The following ROBO1 variants were observed in gnomAD, a reference collection of about 807,000 sequenced individuals.
ROBO1 encodes roundabout guidance receptor 1.
In ROBO1, 149 loss-of-function variants were observed where a neutral mutation model predicts 195.9. The observed-to-expected ratio is 0.76, with a 90% CI of 0.67 to 0.87. The LOEUF is 0.87. Among genes scored for constraint, ROBO1 ranks in the 40% least tolerant of loss-of-function variants. The pLI is 0.00. For synonymous variants in ROBO1, 816 were observed against 733.2 expected (o/e 1.11, Z -1.82); for missense variants, 1,933 against 2,068.3 (o/e 0.93, Z 1.27).
At chr3:78,753,379 A>ACTGC (rs2082845454) in intron 4 of ROBO1, among the ~76,000 whole-genome samples, 1 of 152,208 alleles carries the variant, frequency 6.6e-6, no homozygotes, top group Non-Finnish European at 1.5e-5. Context: ...CACTTCCTGT[A>ACTGC]CTGCCGTGCA....
chr3:79,029,456 C>T (rs1038932161), intron 3 of ROBO1, among the ~76,000 whole-genome samples: 1 of 152,046 alleles, frequency 6.6e-6, no homozygotes, highest in African/African-American at 2.4e-5. Context: ...TTAACTTATA[C>T]TGGAATGTAG....
intron 1 of ROBO1, among the ~76,000 whole-genome samples, chr3:79,703,896 G>A (rs1443892033): frequency 1.3e-5 from 2 of 151,928 alleles, no homozygotes; most frequent in African/African-American, 4.8e-5. Context: ...TCCAAAGAGA[G>A]TCTTTGATGA....
chr3:79,501,994 A>G (rs1219689090), intron 2 of ROBO1, among the ~76,000 whole-genome samples: 1 of 152,212 alleles, frequency 6.6e-6, no homozygotes, highest in Non-Finnish European at 1.5e-5. Flanking sequence ...CTCTAACTGT[A>G]ACATATATCG....
intron 2 of ROBO1, among the ~76,000 whole-genome samples, chr3:79,455,574 A>G (rs1292396171): frequency 6.6e-6 from 1 of 152,050 alleles, no homozygotes; most frequent in Non-Finnish European, 1.5e-5. Context: ...TATTATAATT[A>G]CCTCAGTTGT....
At position 78,607,170 on chromosome 3, in the gene ROBO1, G is replaced by A. The variant is rs961806293; in HGVS notation, c.4436-129C>T. ...TCTTAGATGAACTAGAATACTTGAA[G>A]GTAACCAAGGAAAAATACCCACAAT... On this transcript the variant is annotated intron_variant, in intron 28 of 30. Coordinates refer to ENST00000464233, the MANE Select transcript of ROBO1 (RefSeq NM_002941.4). The A allele has an allele frequency of 1.4e-5, 13 of 901,614 alleles. No individual in the cohort carries two copies. The African/African-American group carries it at 2.2e-4, about 15-fold the overall frequency. 55.9% of individuals were successfully genotyped at this position (901,614 alleles called of 1,614,324 possible). A position where few individuals can be genotyped will look rare whatever the true frequency, so the allele number is the denominator to read the frequency against.
chr3:78,914,694 A>T (rs1049909678), intron 4 of ROBO1, among the ~76,000 whole-genome samples: 1 of 147,594 alleles, frequency 6.8e-6, no homozygotes, highest in South Asian at 2.1e-4. Flanking sequence ...TTTATAATTT[A>T]TATTTATAGG....
chr3:79,464,363 C>T (rs895675024), intron 2 of ROBO1, among the ~76,000 whole-genome samples: 17 of 152,160 alleles, frequency 1.1e-4, no homozygotes, highest in Non-Finnish European at 1.9e-4. Flanking sequence ...AAAGTGGTTG[C>T]ACTACTTTAA....
chr3:79,354,206 CT>C (rs943935541), intron 2 of ROBO1, among the ~76,000 whole-genome samples: 1 of 152,180 alleles, frequency 6.6e-6, no homozygotes, highest in African/African-American at 2.4e-5. Context: ...ACCAAGAACT[CT>C]TTTAAACTTG....
chr3:79,644,344 T>G (rs557696714), intron 1 of ROBO1, among the ~76,000 whole-genome samples: 1 of 152,214 alleles, frequency 6.6e-6, no homozygotes, highest in Non-Finnish European at 1.5e-5. Flanking sequence ...AAACTACATA[T>G]GTATTAATTT....
At chr3:78,944,051 T>G (rs951951137) in intron 3 of ROBO1, among the ~76,000 whole-genome samples, 1 of 152,224 alleles carries the variant, frequency 6.6e-6, no homozygotes, top group African/African-American at 2.4e-5. Context: ...AAACCACTAC[T>G]AATTATCCAC....
chr3:79,115,756 T>C (rs756698903), intron 3 of ROBO1, among the ~76,000 whole-genome samples: 1 of 152,170 alleles, frequency 6.6e-6, no homozygotes. Context: ...TTGTCCTTAG[T>C]TGGGGTAGAC....
At chr3:78,692,901 AC>A (rs1232038663) in intron 8 of ROBO1, 1 of 153,842 alleles carries the variant, frequency 6.5e-6, no homozygotes, top group Non-Finnish European at 1.4e-5. Context: ...CACCAACAGG[AC>A]TTTTAATGAC....
chr3:79,121,736 G>T (rs1043294726), intron 3 of ROBO1, among the ~76,000 whole-genome samples: 4 of 151,840 alleles, frequency 2.6e-5, no homozygotes, highest in Non-Finnish European at 5.9e-5. Flanking sequence ...TCTTATTTTA[G>T]TATGTAAAAT....
At chr3:78,957,796 C>A (rs1439709071) in intron 3 of ROBO1, among the ~76,000 whole-genome samples, 9 of 152,166 alleles carry the variant, frequency 5.9e-5, no homozygotes. Context: ...ATGCTAATTC[C>A]TAGTCTATGC....
intron 2 of ROBO1, among the ~76,000 whole-genome samples, chr3:79,158,958 C>T (rs1401964978): frequency 1.3e-5 from 2 of 151,816 alleles, no homozygotes; most frequent in African/African-American, 2.4e-5. Context: ...GATTAGGTGC[C>T]ATTCACTTCT....
At chr3:79,518,610 C>T (rs1941056598) in intron 2 of ROBO1, among the ~76,000 whole-genome samples, 1 of 152,172 alleles carries the variant, frequency 6.6e-6, no homozygotes, top group South Asian at 2.1e-4. Flanking sequence ...GATAACAGAA[C>T]ATAAACGAAA....
At position 79,128,453 on chromosome 3, in the gene ROBO1, T is replaced by A. The variant is rs568669819; in HGVS notation, c.89-2914A>T. Among the ~76,000 whole-genome samples the A allele has an allele frequency of 1.6e-3, 249 of 152,298 alleles. 2 individuals carry two copies. Among genetic ancestry groups the A allele is most frequent in the African/African-American group, 5.5e-3 (227 of 41,574 alleles). ...TTAGTAAAGAGATGGTAACCAAGAA[T>A]GCAAACCTTACTTAAGTGATAGATG... On this transcript the variant is annotated intron_variant, in intron 2 of 30. Coordinates refer to ENST00000464233, the MANE Select transcript of ROBO1 (RefSeq NM_002941.4).
rs2077173918 is a variant in ROBO1 at position 78,988,959 on chromosome 3, T to G, written c.173-50032A>C. The stretch of plus-strand genomic sequence containing the variant: ...AAGAGCTTCGAAAGTAAGATATCAG[T>G]TGGTATCACAAAAGTAAAAAGTAGA... On this transcript the variant is annotated intron_variant, in intron 3 of 30. Transcript: ENST00000464233. Among the ~76,000 whole-genome samples, 5 of 152,148 alleles carry G rather than the reference T, an allele frequency of 3.3e-5. No individual in the cohort carries two copies. In the South Asian group the frequency reaches 8.3e-4, roughly 25 times the overall value.
chr3:79,013,211 C>T (rs1336645630), intron 3 of ROBO1, among the ~76,000 whole-genome samples: 1 of 152,118 alleles, frequency 6.6e-6, no homozygotes, highest in African/African-American at 2.4e-5. Context: ...GTACCAATTA[C>T]TTGCCTTGGG....
Sources: allele counts gnomAD v4.1 joint callset (sites outside exome capture counted in the v4.1 genomes callset), GRCh38; gene constraint gnomAD v4.1.1; transcripts MANE v1.5; gene names NCBI Gene and HGNC (gene_info 2026-07-23, HGNC 2026-07-21).